MASTL: variants seen among roughly 807,000 people sequenced by gnomAD.
MASTL encodes microtubule associated serine/threonine kinase like, also known as serine/threonine-protein kinase greatwall.
In MASTL, 54 loss-of-function variants were observed where a neutral mutation model predicts 82.5. That is an observed-to-expected ratio of 0.65 (90% CI 0.53 to 0.82). The LOEUF is 0.82. Among genes scored for constraint, MASTL ranks in the 40% least tolerant of loss-of-function variants. The pLI is 0.00. For missense variants in MASTL, 950 were observed against 1,047.8 expected (o/e 0.91, Z 1.29); for synonymous variants, 323 against 368.9 (o/e 0.88, Z 1.43).
chr10:27,169,888 A>G, intron 7 of MASTL, 56 bp from the exon 8 acceptor site: 1 of 1,571,456 alleles, frequency 6.4e-7, no homozygotes, highest in Middle Eastern at 1.7e-4. Flanking sequence ...CCATAGTTAA[A>G]AGGTCAATGA....
intron 9 of MASTL, among the ~76,000 whole-genome samples, chr10:27,177,621 T>G (rs1246097055): frequency 1.3e-5 from 2 of 152,176 alleles, no homozygotes; most frequent in Non-Finnish European, 2.9e-5. Context: ...TGTGTTAAAA[T>G]TGTCTGTATT....
At chr10:27,177,700 A>G (rs1464767729) in intron 9 of MASTL, 1 of 214,220 alleles carries the variant, frequency 4.7e-6, no homozygotes, top group East Asian at 1.8e-4. Flanking sequence ...TGTATCCTTT[A>G]TATCTGGCAC....
chr10:27,168,940 T>C (rs1246731417), intron 7 of MASTL, among the ~76,000 whole-genome samples: 1 of 152,220 alleles, frequency 6.6e-6, no homozygotes, highest in African/African-American at 2.4e-5. Context: ...AGACTCACTC[T>C]ACTTGACTAA....
chr10:27,180,777 G>A (rs892030067), intron 9 of MASTL, among the ~76,000 whole-genome samples, 176 bp from the exon 10 acceptor site: 6 of 152,192 alleles, frequency 3.9e-5, no homozygotes, highest in South Asian at 2.1e-4. Context: ...AGGGCTGTGC[G>A]TCCTGGACCA....
chr10:27,181,926 G>C (rs1482493161), intron 11 of MASTL, among the ~76,000 whole-genome samples: 1 of 151,870 alleles, frequency 6.6e-6, no homozygotes, highest in African/African-American at 2.4e-5. Flanking sequence ...ATACAAAAAA[G>C]TAGGCAGGCA....
At chr10:27,171,825 C>CTTCTT (rs2057951750) in intron 8 of MASTL, among the ~76,000 whole-genome samples, 1 of 93,560 alleles carries the variant, frequency 1.1e-5, no homozygotes, top group African/African-American at 4.4e-5. Context: ...AAATATGTTT[C>CTTCTT]TTTTTTTTTT....
At chr10:27,180,902 A>C in intron 9 of MASTL, 51 bp from the exon 10 acceptor site, 1 of 1,182,120 alleles carries the variant, frequency 8.5e-7, no homozygotes, top group South Asian at 1.2e-5. Context: ...CTGTTCATCA[A>C]ATATTTGTAG....
At chr10:27,160,049 G>A (rs1337409731) in intron 3 of MASTL, among the ~76,000 whole-genome samples, 1 of 151,232 alleles carries the variant, frequency 6.6e-6, no homozygotes, top group East Asian at 1.9e-4. Flanking sequence ...GTTGTGCAGT[G>A]CAGTGACTTG....
intron 6 of MASTL, among the ~76,000 whole-genome samples, 158 bp downstream of exon 6, chr10:27,165,697 C>A (rs1370290040): frequency 6.6e-6 from 1 of 151,806 alleles, no homozygotes; most frequent in South Asian, 2.1e-4. Context: ...CTCACTGCAA[C>A]CCAGGAGTTC....
At chr10:27,182,348 T>C (rs760825564) in intron 11 of MASTL, among the ~76,000 whole-genome samples, 3 of 152,084 alleles carry the variant, frequency 2.0e-5, no homozygotes, top group Non-Finnish European at 4.4e-5. Context: ...TAGGTATGCA[T>C]TGATATATTG....
intron 4 of MASTL, among the ~76,000 whole-genome samples, chr10:27,164,043 C>T (rs919970740): frequency 1.7e-4 from 26 of 152,234 alleles, no homozygotes; most frequent in African/African-American, 5.5e-4. Context: ...CAGGCTCAAG[C>T]GATTCTTGTC....
At position 27,185,618 on chromosome 10, in the gene MASTL, C is replaced by CAAAA. The variant is rs34847161; in HGVS notation, c.2483-744_2483-741dup. On this transcript the variant is annotated intron_variant, in intron 11 of 11. Transcript: ENST00000375940. Reference sequence around the variant, plus strand: ...ATTGCACTCCAGCCTAGGTGACAGACAAAAAAAAAAAAAAAAAAAATTAGC... The same window carrying CAAAA: ...ATTGCACTCCAGCCTAGGTGACAGACAAAAAAAAAAAAAAAAAAAAAAAATTAGC... Among the ~76,000 whole-genome samples the CAAAA allele has an allele frequency of 8.1e-5, 8 of 98,536 alleles. 1 individual carries two copies. The highest frequency in any genetic ancestry group is 7.8e-5 in the Non-Finnish European group (4 of 50,978). The allele number at this position is 98,536 out of a possible 152,430, so 64.6% of individuals were successfully genotyped here. A position where few individuals can be genotyped will look rare whatever the true frequency, so the allele number is the denominator to read the frequency against.
In MASTL at chr10:27,155,401, G is replaced by C. The variant is rs1439918049; in HGVS notation, c.-26G>C. The C allele has an allele frequency of 6.3e-7, 1 of 1,581,800 alleles. No individual in the cohort carries two copies. The highest frequency in any genetic ancestry group is 2.3e-5 in the East Asian group (1 of 43,028). Reference sequence around the variant, plus strand: ...GGCTGCTCGCGGAGGGGCAGTGTCTGCGGGGCCGCTGTATGCTGTCCAGCG... The same window carrying C: ...GGCTGCTCGCGGAGGGGCAGTGTCTCCGGGGCCGCTGTATGCTGTCCAGCG... On this transcript the variant is annotated 5_prime_UTR_variant, in exon 1 of 12. Transcript: ENST00000375940.
At chr10:27,185,786 C>A (rs1255683881) in intron 11 of MASTL, among the ~76,000 whole-genome samples, 26 of 141,218 alleles carry the variant, frequency 1.8e-4, no homozygotes, top group African/African-American at 2.4e-4. Context: ...GACTCCATTT[C>A]AAAAAAAAAA....
In MASTL at chr10:27,167,142, G is replaced by T. The variant is rs752800145; in HGVS notation, c.852G>T (p.Lys284Asn). 3.1e-6 allele frequency: 5 copies of T among 1,614,118 alleles called. No homozygotes were observed. The highest frequency in any genetic ancestry group is 4.2e-6 in the Non-Finnish European group (5 of 1,179,988). ...TVASNPGMPVKCLTSNLLQSR... is the reference protein window; with the variant it reads ...TVASNPGMPVNCLTSNLLQSR... Reference sequence around the variant, plus strand: ...CCTCCAACCCAGGAATGCCTGTGAAGTGTCTAACTTCTAATTTACTCCAGT... The same window carrying T: ...CCTCCAACCCAGGAATGCCTGTGAATTGTCTAACTTCTAATTTACTCCAGT... Residue 284 changes from lysine (K) to asparagine (N), a missense_variant, in exon 7 of 12, where the codon AAG becomes AAT. By Grantham distance (94) the Lys-to-Asn change is moderately conservative. Transcript: ENST00000375940.
In MASTL at chr10:27,170,679, C is replaced by A. The variant is rs762874298; in HGVS notation, c.1720C>A (p.Pro574Thr). 4.3e-6 allele frequency: 7 copies of A among 1,611,820 alleles called. No individual in the cohort carries two copies. In the African/African-American group the frequency reaches 9.4e-5, roughly 22 times the overall value. ...TTCTATGAACTCTGATTCATCTTTTCCTGGAATTTCTATAATGGAAAGTCC... is the reference window on the plus strand; with the variant it reads ...TTCTATGAACTCTGATTCATCTTTTACTGGAATTTCTATAATGGAAAGTCC... ...NISMNSDSSF[P>T]GISIMESPLE... The change falls in exon 8 of 12, where the codon CCT (proline) becomes ACT (threonine). Residue 574 changes from proline (P) to threonine (T), a missense_variant. By Grantham distance (38) the Pro-to-Thr change is conservative (BLOSUM62 -1). Coordinates refer to ENST00000375940, the MANE Select transcript of MASTL (RefSeq NM_001172303.3).
chr10:27,157,081 G>A (rs1228197065), intron 1 of MASTL, among the ~76,000 whole-genome samples: 6 of 152,172 alleles, frequency 3.9e-5, no homozygotes, highest in African/African-American at 1.4e-4. Context: ...GGGATTACAG[G>A]GGTGAGCCAC....
intron 7 of MASTL, among the ~76,000 whole-genome samples, chr10:27,168,038 G>A (rs1056758625): frequency 6.6e-6 from 1 of 152,254 alleles, no homozygotes; most frequent in East Asian, 1.9e-4. Flanking sequence ...TTCATAGAAG[G>A]CTGATAAAAT....
intron 11 of MASTL, among the ~76,000 whole-genome samples, chr10:27,182,848 A>G (rs991274196): frequency 2.7e-5 from 4 of 150,162 alleles, no homozygotes; most frequent in African/African-American, 7.4e-5. Context: ...GTGTCTCACT[A>G]TGTTGCTTAG....
Sources: allele counts gnomAD v4.1 joint callset (sites outside exome capture counted in the v4.1 genomes callset), GRCh38; gene constraint gnomAD v4.1.1; transcripts MANE v1.5; gene names NCBI Gene and HGNC (gene_info 2026-07-23, HGNC 2026-07-21).